The following CCSER1 variants were observed in gnomAD, a reference collection of about 807,000 sequenced individuals.
The protein encoded by CCSER1 is coiled-coil serine rich protein 1, also known as serine-rich coiled-coil domain-containing protein 1.
Under a neutral mutation model 82.0 loss-of-function variants are expected in CCSER1, and 41 were observed. The observed-to-expected ratio is 0.50, with a 90% confidence interval of 0.39 to 0.65. The LOEUF is 0.65. CCSER1 is among the 30% of genes least tolerant of loss of function. The pLI is 0.00. For synonymous variants in CCSER1, 414 were observed against 383.9 expected (o/e 1.08, Z -0.92); for missense variants, 1,119 against 1,064.2 (o/e 1.05, Z -0.72).
At chr4:90,324,118 C>T (rs1174799654) in intron 3 of CCSER1, among the ~76,000 whole-genome samples, 1 of 149,394 alleles carries the variant, frequency 6.7e-6, no homozygotes, top group East Asian at 1.9e-4. Context: ...TGAATAGTGC[C>T]GCAATAAACA....
chr4:91,368,168 G>A (rs1410650476), intron 10 of CCSER1, among the ~76,000 whole-genome samples: 2 of 151,842 alleles, frequency 1.3e-5, no homozygotes, highest in African/African-American at 4.8e-5. Context: ...TCCCTAGGAT[G>A]TCAGAAGAGA....
intron 10 of CCSER1, among the ~76,000 whole-genome samples, chr4:91,117,621 C>T (rs564013420): frequency 7.1e-4 from 108 of 152,180 alleles, no homozygotes; most frequent in African/African-American, 2.4e-3. Flanking sequence ...GTCAAGGCTT[C>T]GAAAGGTACC....
At chr4:90,294,308 T>A (rs998852892) in intron 1 of CCSER1, among the ~76,000 whole-genome samples, 1 of 152,004 alleles carries the variant, frequency 6.6e-6, no homozygotes, top group African/African-American at 2.4e-5. Context: ...GCCTAGGATT[T>A]GAGACCTGCC....
chr4:91,000,836 T>C (rs1737974029), intron 9 of CCSER1, among the ~76,000 whole-genome samples: 2 of 152,148 alleles, frequency 1.3e-5, no homozygotes, highest in Admixed American at 1.3e-4. Context: ...GCAGAGTCTT[T>C]TGAGTTTTCT....
chr4:90,562,613 C>A (rs140877541), intron 5 of CCSER1, among the ~76,000 whole-genome samples: 1 of 152,002 alleles, frequency 6.6e-6, no homozygotes, highest in Non-Finnish European at 1.5e-5. Flanking sequence ...TCTCAGCTCA[C>A]GGCAGCCTTG....
chr4:90,879,579 AGAAGAG>A (rs1561295026), intron 8 of CCSER1, among the ~76,000 whole-genome samples: 5 of 81,332 alleles, frequency 6.1e-5, no homozygotes, highest in Non-Finnish European at 1.0e-4. Flanking sequence ...AGGAAGAAGA[AGAAGAG>A]GAGGAGGAGG....
chr4:90,155,578 A>T (rs1313193180), intron 1 of CCSER1, among the ~76,000 whole-genome samples: 1 of 152,086 alleles, frequency 6.6e-6, no homozygotes, highest in Non-Finnish European at 1.5e-5. Context: ...GTCTATTCAG[A>T]GATTCAACTT....
chr4:91,512,441 G>A (rs979445631), intron 10 of CCSER1, among the ~76,000 whole-genome samples: 3 of 152,222 alleles, frequency 2.0e-5, no homozygotes, highest in Non-Finnish European at 4.4e-5. Flanking sequence ...GGGCTCTCAG[G>A]CCTTTGGCCA....
chr4:91,423,115 TG>T (rs916852923), intron 10 of CCSER1, among the ~76,000 whole-genome samples: 69 of 152,270 alleles, frequency 4.5e-4, no homozygotes, highest in African/African-American at 1.4e-3. Flanking sequence ...AATATAGTAT[TG>T]TTTTTTTCTT....
At chr4:90,746,058 T>C (rs554881646) in intron 7 of CCSER1, among the ~76,000 whole-genome samples, 9 of 152,086 alleles carry the variant, frequency 5.9e-5, no homozygotes, top group Non-Finnish European at 1.3e-4. Flanking sequence ...TACTTTCCAT[T>C]TAGTGCCCAA....
chr4:90,964,516 G>A (rs1192079605), intron 9 of CCSER1, among the ~76,000 whole-genome samples: 1 of 151,356 alleles, frequency 6.6e-6, no homozygotes, highest in African/African-American at 2.4e-5. Flanking sequence ...ACGAGGTCAG[G>A]AGATCGGGAC....
intron 7 of CCSER1, among the ~76,000 whole-genome samples, chr4:90,792,874 C>G (rs1490940515): frequency 1.3e-5 from 2 of 152,082 alleles, no homozygotes; most frequent in Non-Finnish European, 2.9e-5. Flanking sequence ...GGTACTTGGC[C>G]TGGTGGATGG....
chr4:91,494,724 A>G (rs1758715400), intron 10 of CCSER1, among the ~76,000 whole-genome samples: 1 of 151,596 alleles, frequency 6.6e-6, no homozygotes, highest in Non-Finnish European at 1.5e-5. Flanking sequence ...CATTCATTTC[A>G]TTTTTTTCAA....
chr4:91,020,506 CA>C (rs1739841959), intron 9 of CCSER1, among the ~76,000 whole-genome samples: 1 of 151,886 alleles, frequency 6.6e-6, no homozygotes, highest in Non-Finnish European at 1.5e-5. Flanking sequence ...ACTAAAAATA[CA>C]AAAAATTAGC....
intron 5 of CCSER1, among the ~76,000 whole-genome samples, chr4:90,508,879 C>T (rs1275751214): frequency 6.6e-6 from 1 of 152,024 alleles, no homozygotes; most frequent in Non-Finnish European, 1.5e-5. Flanking sequence ...ATCTCAAATA[C>T]TATAACTAAA....
chr4:91,111,182 A>G (rs1260290982), intron 10 of CCSER1, among the ~76,000 whole-genome samples: 2 of 152,034 alleles, frequency 1.3e-5, no homozygotes, highest in African/African-American at 4.8e-5. Flanking sequence ...GGGCAAACTC[A>G]GCTGGTTAAA....
chr4:90,838,220 CT>C (rs890734418), intron 8 of CCSER1, among the ~76,000 whole-genome samples: 13 of 149,094 alleles, frequency 8.7e-5, no homozygotes, highest in East Asian at 2.0e-4. Flanking sequence ...AATATGAGTA[CT>C]TTTTTTTTAG....
chr4:91,046,246 G>A (rs1742476888), intron 9 of CCSER1, among the ~76,000 whole-genome samples: 1 of 151,864 alleles, frequency 6.6e-6, no homozygotes, highest in Non-Finnish European at 1.5e-5. Context: ...CAAACCTAAT[G>A]TTGTCATCCT....
At chr4:90,339,952 A>G (rs1741097608) in intron 3 of CCSER1, among the ~76,000 whole-genome samples, 1 of 152,058 alleles carries the variant, frequency 6.6e-6, no homozygotes, top group Admixed American at 6.6e-5. Flanking sequence ...ACAGGGCATC[A>G]AACAAAGAAA....
Sources: allele counts gnomAD v4.1 joint callset (sites outside exome capture counted in the v4.1 genomes callset), GRCh38; gene constraint gnomAD v4.1.1; transcripts MANE v1.5; gene names NCBI Gene and HGNC (gene_info 2026-07-23, HGNC 2026-07-21).